FAM13A: variants seen among roughly 807,000 people sequenced by gnomAD.
FAM13A encodes protein FAM13A.
Under a neutral mutation model 129.6 loss-of-function variants are expected in FAM13A, and 76 were observed. The observed-to-expected ratio is 0.59, with a 90% CI of 0.49 to 0.71. The LOEUF is 0.71. Ranked by LOEUF, FAM13A falls within the 30% of genes least tolerant of loss-of-function variation. The pLI is 0.00. For missense variants in FAM13A, 1,108 were observed against 1,249.3 expected (o/e 0.89, Z 1.70); for synonymous variants, 443 against 449.9 (o/e 0.98, Z 0.20).
At chr4:88,797,146 C>G (rs1297983813) in intron 8 of FAM13A, among the ~76,000 whole-genome samples, 1 of 152,010 alleles carries the variant, frequency 6.6e-6, no homozygotes, top group Admixed American at 6.6e-5. Flanking sequence ...ATTTATCTCT[C>G]AATTAGCTGG....
At chr4:88,925,432 A>C (rs1751936954) in intron 5 of FAM13A, among the ~76,000 whole-genome samples, 1 of 152,018 alleles carries the variant, frequency 6.6e-6, no homozygotes, top group Non-Finnish European at 1.5e-5. Context: ...GGAAATCATC[A>C]TTCTCAGTAA....
intron 1 of FAM13A, among the ~76,000 whole-genome samples, chr4:89,047,113 T>C (rs1417213284): frequency 6.6e-6 from 1 of 152,048 alleles, no homozygotes; most frequent in Non-Finnish European, 1.5e-5. Flanking sequence ...ACTCATATCT[T>C]ATACAAAGGG....
rs1170606835 is a variant in FAM13A, at chr4:88,938,240, C to T, written c.607G>A (p.Val203Met). The change falls in exon 5 of 24, where the codon GTG becomes ATG. Residue 203 changes from valine to methionine, a missense_variant and splice_region_variant. Physicochemically the swap from Val to Met is conservative, Grantham distance 21. This residue lies in a region of FAM13A where 566 missense variants were observed against 595.7 expected (regional missense o/e 0.95). Coordinates refer to ENST00000264344, the MANE Select transcript of FAM13A (RefSeq NM_014883.4). ...TTCATGCCTTCAAGCCCAGGTGGCA[C>T]ACTAGAAACAAGAAAGGGAAAGAGA... Reference protein sequence around the residue: ...ATVFGPNCFHVPPGLEGMKEQ... With the variant: ...ATVFGPNCFHMPPGLEGMKEQ... The T allele has an allele frequency of 6.3e-7, 1 of 1,597,400 alleles. No individual in the cohort carries two copies. The highest frequency in any genetic ancestry group is 8.5e-7 in the Non-Finnish European group (1 of 1,174,184).
chr4:88,922,857 A>C (rs1751368940), intron 5 of FAM13A, among the ~76,000 whole-genome samples: 1 of 152,200 alleles, frequency 6.6e-6, no homozygotes, highest in African/African-American at 2.4e-5. Flanking sequence ...ATAAAAAATG[A>C]TAAAGGGGAT....
chr4:88,999,847 G>T (rs1447551153), intron 3 of FAM13A, among the ~76,000 whole-genome samples: 1 of 152,162 alleles, frequency 6.6e-6, no homozygotes, highest in African/African-American at 2.4e-5. Flanking sequence ...TGGCTAGCAA[G>T]CTAATCATCT....
chr4:88,876,622 C>T (rs981441071), intron 6 of FAM13A, among the ~76,000 whole-genome samples: 19 of 151,962 alleles, frequency 1.3e-4, no homozygotes, highest in East Asian at 3.9e-4. Context: ...GACAGAGTCT[C>T]GCTCTGTCGC....
intron 1 of FAM13A, among the ~76,000 whole-genome samples, chr4:89,036,794 G>T (rs1471692036): frequency 6.6e-6 from 1 of 152,182 alleles, no homozygotes; most frequent in Non-Finnish European, 1.5e-5. Context: ...AATCACTCCA[G>T]CTCCAGCCAT....
chr4:88,954,730 T>A (rs1401730685), intron 4 of FAM13A, among the ~76,000 whole-genome samples: 2 of 151,660 alleles, frequency 1.3e-5, no homozygotes, highest in African/African-American at 4.8e-5. Flanking sequence ...TACTTAAAAT[T>A]CAAAAATTAG....
At chr4:88,747,059 G>A in intron 18 of FAM13A, 44 bp from the exon 19 acceptor site, 1 of 1,304,788 alleles carries the variant, frequency 7.7e-7, no homozygotes, top group Non-Finnish European at 1.1e-6. Flanking sequence ...AGGAAAATGT[G>A]TGTGAACATT....
chr4:88,967,888 CGTCT>C (rs1315110310), intron 4 of FAM13A, among the ~76,000 whole-genome samples: 1 of 152,136 alleles, frequency 6.6e-6, no homozygotes, highest in Non-Finnish European at 1.5e-5. Context: ...CCGGGTATCA[CGTCT>C]CTTAAACAGT....
intron 5 of FAM13A, among the ~76,000 whole-genome samples, chr4:88,931,145 C>A (rs1353190751): frequency 6.6e-6 from 1 of 152,138 alleles, no homozygotes; most frequent in African/African-American, 2.4e-5. Flanking sequence ...CAGGGACCCT[C>A]CCATGGGTGC....
intron 6 of FAM13A, among the ~76,000 whole-genome samples, chr4:88,877,616 G>A (rs1233005313): frequency 3.9e-5 from 6 of 152,204 alleles, no homozygotes; most frequent in African/African-American, 1.2e-4. Flanking sequence ...AATAGTGGCA[G>A]AGAAAGGCAG....
intron 7 of FAM13A, among the ~76,000 whole-genome samples, chr4:88,816,974 A>G (rs1027337198): frequency 2.0e-5 from 3 of 152,206 alleles, no homozygotes; most frequent in African/African-American, 7.2e-5. Flanking sequence ...GGTGGAAATA[A>G]CCCAAATGTC....
At chr4:88,993,977 C>G (rs549149058) in intron 3 of FAM13A, among the ~76,000 whole-genome samples, 24 of 149,102 alleles carry the variant, frequency 1.6e-4, no homozygotes, top group African/African-American at 5.9e-4. Flanking sequence ...GGCGACAGAG[C>G]AAGACCCTGC....
chr4:88,999,078 G>A lies in FAM13A; in HGVS notation c.428-7928C>T, dbSNP rs112200331. The stretch of plus-strand genomic sequence containing the variant: ...CAGAGGTATGTTTATTGCCAAATTA[G>A]TCAATATTTACAGTGATCCTCCTGT... On this transcript the variant is annotated intron_variant, in intron 3 of 23. Coordinates refer to ENST00000264344, the MANE Select transcript of FAM13A (RefSeq NM_014883.4). 6.1e-3 allele frequency among the ~76,000 whole-genome samples: 923 copies of A among 152,240 alleles called. 16 individuals are homozygous for A. The highest frequency in any genetic ancestry group is 0.02 in the African/African-American group (851 of 41,540).
intron 4 of FAM13A, among the ~76,000 whole-genome samples, chr4:88,953,340 A>G (rs1439198738): frequency 6.6e-6 from 1 of 152,076 alleles, no homozygotes; most frequent in East Asian, 1.9e-4. Context: ...CTGTAATCCC[A>G]GCTACTCGGG....
intron 3 of FAM13A, among the ~76,000 whole-genome samples, chr4:89,002,205 G>A (rs1764351691): frequency 6.7e-6 from 1 of 149,226 alleles, no homozygotes; most frequent in South Asian, 2.1e-4. Flanking sequence ...GAACAGCAGA[G>A]GAAACAGAAG....
chr4:88,831,861 C>T (rs1733933408), intron 7 of FAM13A, among the ~76,000 whole-genome samples: 1 of 151,434 alleles, frequency 6.6e-6, no homozygotes, highest in South Asian at 2.1e-4. Flanking sequence ...ATTAAACTAA[C>T]ACTGACATTC....
At chr4:89,054,204 T>A (rs1354561276) in intron 1 of FAM13A, among the ~76,000 whole-genome samples, 8 of 152,200 alleles carry the variant, frequency 5.3e-5, no homozygotes, top group African/African-American at 1.9e-4. Context: ...TAAAGTAGGT[T>A]AGTCAATGGA....
Sources: gnomAD v4.1 joint callset for allele counts (sites outside exome capture counted in the v4.1 genomes callset) on GRCh38, gnomAD v4.1.1 for gene constraint, gnomAD v4.1.1 regional missense constraint, MANE v1.5 for transcripts, NCBI Gene and HGNC (gene_info 2026-07-23, HGNC 2026-07-21) for gene names.